The following SPAG16 variants were observed in gnomAD, a reference collection of about 807,000 sequenced individuals.
SPAG16 encodes the protein sperm associated antigen 16.
SPAG16 carries 86 observed loss-of-function variants against 80.4 expected under a neutral mutation model. That is an observed-to-expected ratio of 1.07 (90% CI 0.90 to 1.28). The LOEUF (loss-of-function observed/expected upper bound fraction) is 1.28. SPAG16 is among the 50% of genes most tolerant of loss of function. SPAG16 has a pLI of 0.00. For missense variants in SPAG16, 870 were observed against 765.3 expected (o/e 1.14, Z -1.61); for synonymous variants, 294 against 265.9 (o/e 1.11, Z -1.03).
chr2:214,173,103 G>T (rs1441434148), intron 15 of SPAG16, among the ~76,000 whole-genome samples: 2 of 151,736 alleles, frequency 1.3e-5, no homozygotes, highest in African/African-American at 2.4e-5. Context: ...TTAGTTTAAT[G>T]AGATCCCATT....
At chr2:213,724,776 C>CAAAAAAA (rs1159240137) in intron 10 of SPAG16, among the ~76,000 whole-genome samples, 46 of 39,738 alleles carry the variant, frequency 1.2e-3, no homozygotes, top group African/African-American at 3.0e-3. Flanking sequence ...GACTCTGTCT[C>CAAAAAAA]AAAAAAAAAA....
intron 15 of SPAG16, among the ~76,000 whole-genome samples, chr2:214,361,479 A>T (rs1327907077): frequency 4.0e-5 from 6 of 151,864 alleles, no homozygotes; most frequent in Non-Finnish European, 8.8e-5. Flanking sequence ...GTGAATGGTT[A>T]GTCTAACCGT....
chr2:213,893,321 C>T (rs1355582807), intron 11 of SPAG16, among the ~76,000 whole-genome samples: 1 of 151,980 alleles, frequency 6.6e-6, no homozygotes, highest in Non-Finnish European at 1.5e-5. Context: ...AAAGAGAGTT[C>T]TTCCATCTGA....
chr2:213,708,101 A>G (rs961972643), intron 10 of SPAG16, among the ~76,000 whole-genome samples: 2 of 152,334 alleles, frequency 1.3e-5, no homozygotes, highest in South Asian at 2.1e-4. Context: ...AAATTTTTAT[A>G]TCATTACATT....
At chr2:214,119,728 C>T (rs946359420) in intron 14 of SPAG16, among the ~76,000 whole-genome samples, 37 of 151,500 alleles carry the variant, frequency 2.4e-4, no homozygotes, top group African/African-American at 8.7e-4. Context: ...TCTTTCTTTT[C>T]TCTCCTTCCT....
intron 15 of SPAG16, among the ~76,000 whole-genome samples, chr2:214,176,489 CT>C (rs2057084633): frequency 6.6e-6 from 1 of 151,152 alleles, no homozygotes; most frequent in South Asian, 2.1e-4. Context: ...ACTAAGCGGT[CT>C]TTCAAAGATT....
chr2:214,140,713 A>G (rs2055307189), intron 14 of SPAG16, among the ~76,000 whole-genome samples: 1 of 151,612 alleles, frequency 6.6e-6, no homozygotes, highest in South Asian at 2.1e-4. Flanking sequence ...TCTTTTCTGT[A>G]ATTATTTTTT....
intron 10 of SPAG16, among the ~76,000 whole-genome samples, chr2:213,680,400 T>G (rs940562829): frequency 6.6e-6 from 1 of 151,436 alleles, no homozygotes; most frequent in South Asian, 2.1e-4. Flanking sequence ...TGTGTTGTCT[T>G]TACTTACGAG....
chr2:213,772,294 T>C (rs2069298278), intron 10 of SPAG16, among the ~76,000 whole-genome samples: 1 of 152,162 alleles, frequency 6.6e-6, no homozygotes, highest in Non-Finnish European at 1.5e-5. Flanking sequence ...ATTGATTTTG[T>C]ACCCTGAGAC....
chr2:213,746,282 G>A (rs956320498), intron 10 of SPAG16, among the ~76,000 whole-genome samples: 4 of 152,154 alleles, frequency 2.6e-5, no homozygotes, highest in African/African-American at 9.7e-5. Flanking sequence ...TGCAATTACT[G>A]ACAGTAATAC....
At chr2:214,200,599 G>A (rs953523480) in intron 15 of SPAG16, among the ~76,000 whole-genome samples, 1 of 152,042 alleles carries the variant, frequency 6.6e-6, no homozygotes, top group Admixed American at 6.6e-5. Context: ...CTTGAGCCCA[G>A]GAGGCAGAGG....
intron 10 of SPAG16, among the ~76,000 whole-genome samples, chr2:213,646,172 A>G (rs1267146879): frequency 1.3e-5 from 2 of 152,166 alleles, no homozygotes; most frequent in Non-Finnish European, 2.9e-5. Flanking sequence ...CTATCCCTTC[A>G]GTGCCTCTTT....
At chr2:213,451,249 G>C (rs1361274588) in intron 9 of SPAG16, among the ~76,000 whole-genome samples, 1 of 152,116 alleles carries the variant, frequency 6.6e-6, no homozygotes, top group Non-Finnish European at 1.5e-5. Context: ...TTTTTTAAAT[G>C]AGAAAAAGAT....
intron 15 of SPAG16, chr2:214,240,971 C>T (rs759989528): frequency 6.6e-6 from 1 of 152,112 alleles, no homozygotes; most frequent in Non-Finnish European, 1.5e-5. Context: ...ACAGTCTCAA[C>T]TCATTTTATG....
chr2:213,867,926 C>CAAAAAAAAA (rs35795865), intron 11 of SPAG16, among the ~76,000 whole-genome samples: 10 of 45,884 alleles, frequency 2.2e-4, no homozygotes, highest in South Asian at 1.8e-3. Context: ...TCTGTCTCAA[C>CAAAAAAAAA]AAAAAAAAAA....
intron 10 of SPAG16, among the ~76,000 whole-genome samples, chr2:213,835,842 A>T (rs1394864936): frequency 6.6e-6 from 1 of 152,180 alleles, no homozygotes; most frequent in African/African-American, 2.4e-5. Context: ...TAATATCAAA[A>T]GGTTATGATT....
chr2:213,585,274 A>G (rs977540823), intron 10 of SPAG16, among the ~76,000 whole-genome samples: 2 of 107,120 alleles, frequency 1.9e-5, no homozygotes, highest in African/African-American at 6.4e-5. Context: ...CATATGAATG[A>G]TGAAAGATTT....
At chr2:213,685,666 G>A (rs1200034482) in intron 10 of SPAG16, among the ~76,000 whole-genome samples, 1 of 152,174 alleles carries the variant, frequency 6.6e-6, no homozygotes, top group Non-Finnish European at 1.5e-5. Flanking sequence ...AATAGGCAGG[G>A]ACAAGACAAT....
At chr2:213,766,638 A>C (rs1317619486) in intron 10 of SPAG16, among the ~76,000 whole-genome samples, 2 of 152,160 alleles carry the variant, frequency 1.3e-5, no homozygotes, top group Non-Finnish European at 2.9e-5. Flanking sequence ...AGCACCAAAC[A>C]AAAAGGCTCT....
Sources: allele counts gnomAD v4.1 joint callset (sites outside exome capture counted in the v4.1 genomes callset), GRCh38; gene constraint gnomAD v4.1.1; transcripts MANE v1.5; gene names NCBI Gene and HGNC (gene_info 2026-07-23, HGNC 2026-07-21).